NRXN1: variants seen among roughly 807,000 people sequenced by gnomAD.
The protein encoded by NRXN1 is neurexin-1.
NRXN1 carries 39 observed loss-of-function variants against 150.9 expected under a neutral mutation model. The observed-to-expected ratio is 0.26, with a 90% CI of 0.20 to 0.34. The LOEUF (loss-of-function observed/expected upper bound fraction) is 0.34, where lower values mean the gene tolerates loss of function less well. Among genes scored for constraint, NRXN1 ranks in the 10% least tolerant of loss-of-function variants. The pLI is 1.00. For synonymous variants in NRXN1, 924 were observed against 757.0 expected, an observed-to-expected ratio of 1.22 and a Z score of -3.62; for missense variants, 1,815 against 1,949.9, an observed-to-expected ratio of 0.93 and a Z score of 1.30.
chr2:50,152,415 T>C (rs1262132433), intron 18 of NRXN1, among the ~76,000 whole-genome samples: 2 of 151,798 alleles, frequency 1.3e-5, no homozygotes, highest in Non-Finnish European at 2.9e-5. Flanking sequence ...CCATTGTATG[T>C]ATACAGTAGT....
intron 8 of NRXN1, among the ~76,000 whole-genome samples, chr2:50,593,477 C>G (rs1674626379): frequency 6.6e-6 from 1 of 152,140 alleles, no homozygotes; most frequent in Non-Finnish European, 1.5e-5. Context: ...TTCAACTTGT[C>G]TCTTTGATAC....
chr2:49,925,416 G>A (rs1247222243), intron 22 of NRXN1, among the ~76,000 whole-genome samples: 1 of 151,934 alleles, frequency 6.6e-6, no homozygotes, highest in African/African-American at 2.4e-5. Context: ...TGTCGCTAAT[G>A]CTTTATTTTG....
chr2:50,368,403 T>C (rs1461419550), intron 17 of NRXN1, among the ~76,000 whole-genome samples: 1 of 152,008 alleles, frequency 6.6e-6, no homozygotes, highest in Non-Finnish European at 1.5e-5. Flanking sequence ...TAGTTGTTAT[T>C]ACAAAAAACC....
chr2:49,986,718 T>C (rs1680977133), intron 21 of NRXN1, among the ~76,000 whole-genome samples: 1 of 152,186 alleles, frequency 6.6e-6, no homozygotes, highest in Admixed American at 6.5e-5. Context: ...CTCACACATT[T>C]ATCATGTCTT....
chr2:50,834,336 G>A (rs1671806882), intron 5 of NRXN1, among the ~76,000 whole-genome samples: 1 of 152,138 alleles, frequency 6.6e-6, no homozygotes, highest in South Asian at 2.1e-4. Context: ...TCAAAATATG[G>A]TTTAGGAGTA....
chr2:50,690,320 T>C (rs143946392), intron 5 of NRXN1, among the ~76,000 whole-genome samples: 66 of 152,290 alleles, frequency 4.3e-4, no homozygotes, highest in African/African-American at 1.5e-3. Context: ...TAAAATAGAA[T>C]ATTCCAGACA....
intron 5 of NRXN1, among the ~76,000 whole-genome samples, chr2:50,764,340 G>A (rs1044847899): frequency 2.0e-5 from 3 of 151,904 alleles, no homozygotes; most frequent in East Asian, 1.9e-4. Context: ...CATACTTTGC[G>A]TATGGTGCAA....
chr2:50,078,414 T>G (rs1697409491), intron 19 of NRXN1, among the ~76,000 whole-genome samples: 1 of 152,060 alleles, frequency 6.6e-6, no homozygotes, highest in African/African-American at 2.4e-5. Context: ...CCAAATACCT[T>G]TCATTCAGCT....
chr2:50,402,282 CA>C (rs900823470), intron 17 of NRXN1, among the ~76,000 whole-genome samples: 2 of 151,700 alleles, frequency 1.3e-5, no homozygotes, highest in Non-Finnish European at 2.9e-5. Flanking sequence ...CAAGAGAAAT[CA>C]TTTTTTTGTT....
intron 17 of NRXN1, among the ~76,000 whole-genome samples, chr2:50,355,068 T>A (rs920871635): frequency 3.9e-5 from 6 of 152,116 alleles, no homozygotes; most frequent in African/African-American, 9.7e-5. Flanking sequence ...ATTTCCTGAA[T>A]GTCCAAGGAC....
intron 5 of NRXN1, among the ~76,000 whole-genome samples, chr2:50,836,671 T>G (rs1291266040): frequency 6.6e-6 from 1 of 152,120 alleles, no homozygotes; most frequent in Admixed American, 6.6e-5. Context: ...TAAGGCTGAA[T>G]AGTATTTCAT....
At chr2:50,627,711 G>C (rs1186853957) in intron 5 of NRXN1, among the ~76,000 whole-genome samples, 1 of 151,514 alleles carries the variant, frequency 6.6e-6, no homozygotes, top group East Asian at 1.9e-4. Flanking sequence ...CTCTGAGTCA[G>C]CAGGAGCCTT....
intron 17 of NRXN1, among the ~76,000 whole-genome samples, chr2:50,304,236 T>C (rs2074414228): frequency 6.6e-6 from 1 of 152,124 alleles, no homozygotes; most frequent in African/African-American, 2.4e-5. Context: ...AAACCCAAAA[T>C]GTACCCAGAA....
chr2:50,660,878 G>A (rs1174613335), intron 5 of NRXN1, among the ~76,000 whole-genome samples: 1 of 151,984 alleles, frequency 6.6e-6, no homozygotes, highest in African/African-American at 2.4e-5. Flanking sequence ...TGGATATATG[G>A]AGATAAAGAA....
chr2:50,129,678 C>G (rs1705178404), intron 18 of NRXN1, among the ~76,000 whole-genome samples: 1 of 152,116 alleles, frequency 6.6e-6, no homozygotes, highest in Non-Finnish European at 1.5e-5. Context: ...CAATTTGGTT[C>G]CTTTAAAAAA....
chr2:49,951,892 A>G (rs1674033279), intron 21 of NRXN1, among the ~76,000 whole-genome samples: 1 of 151,990 alleles, frequency 6.6e-6, no homozygotes, highest in South Asian at 2.1e-4. Context: ...TGATTGCAAA[A>G]TGCCTATGAT....
At chr2:50,794,770 C>T (rs1277184161) in intron 5 of NRXN1, among the ~76,000 whole-genome samples, 1 of 152,008 alleles carries the variant, frequency 6.6e-6, no homozygotes, top group Non-Finnish European at 1.5e-5. Flanking sequence ...TATATAATTC[C>T]CCATTTACAT....
intron 17 of NRXN1, among the ~76,000 whole-genome samples, chr2:50,314,649 T>C (rs577991231): frequency 3.7e-4 from 56 of 151,926 alleles, no homozygotes; most frequent in Non-Finnish European, 6.0e-4. Flanking sequence ...TAAACCACAT[T>C]AAGAGTGGTT....
At chr2:50,286,701 G>A (rs1225233985) in intron 17 of NRXN1, among the ~76,000 whole-genome samples, 1 of 152,064 alleles carries the variant, frequency 6.6e-6, no homozygotes, top group Non-Finnish European at 1.5e-5. Context: ...TATTATTGAT[G>A]TGAGTACATT....
Sources: gnomAD v4.1 joint callset for allele counts (sites outside exome capture counted in the v4.1 genomes callset) on GRCh38, gnomAD v4.1.1 for gene constraint, MANE v1.5 for transcripts, NCBI Gene and HGNC (gene_info 2026-07-23, HGNC 2026-07-21) for gene names.